Variants in GPATCH2L observed in about 807,000 individuals in gnomAD.
GPATCH2L encodes G patch domain-containing protein 2-like.
GPATCH2L carries 31 observed loss-of-function variants against 57.4 expected under a neutral mutation model. The ratio of observed to expected loss-of-function variants is 0.54; its 90% CI spans 0.41 to 0.73. The LOEUF (loss-of-function observed/expected upper bound fraction) is 0.73, where lower values mean the gene tolerates loss of function less well. Among genes scored for constraint, GPATCH2L ranks in the 30% least tolerant of loss-of-function variants. GPATCH2L has a pLI of 0.00. For synonymous variants in GPATCH2L, 199 were observed against 210.7 expected (o/e 0.94, Z 0.48); for missense variants, 481 against 599.9 (o/e 0.80, Z 2.07).
intron 8 of GPATCH2L, among the ~76,000 whole-genome samples, chr14:76,187,370 A>C (rs563744468): frequency 6.6e-6 from 1 of 152,156 alleles, no homozygotes; most frequent in African/African-American, 2.4e-5. Flanking sequence ...CCCTCTGCAC[A>C]TCCAGCATAG....
chr14:76,158,202 A>G (rs77919805), intron 2 of GPATCH2L, among the ~76,000 whole-genome samples: 28 of 152,176 alleles, frequency 1.8e-4, no homozygotes, highest in Admixed American at 1.4e-3. Flanking sequence ...AAGGTGATGT[A>G]TTAGAGGCTG....
chr14:76,201,590 G>A, intron 9 of GPATCH2L, 101 bp from the exon 10 acceptor site: 2 of 851,052 alleles, frequency 2.4e-6, no homozygotes, highest in Non-Finnish European at 3.5e-6. Flanking sequence ...GAAGTATAAG[G>A]ATTAAGAAAA....
chr14:76,187,025 GT>G (rs34797876), intron 8 of GPATCH2L, among the ~76,000 whole-genome samples: 57,990 of 147,902 alleles, frequency 0.39, 13,481 homozygotes, highest in South Asian at 0.56. Context: ...ATTGTGAAGT[GT>G]TTTTTTTTTT....
At chr14:76,223,626 G>A (rs958603296) in intron 1 of GPATCH2L, among the ~76,000 whole-genome samples, 2 of 152,076 alleles carry the variant, frequency 1.3e-5, no homozygotes, top group African/African-American at 4.8e-5. Flanking sequence ...AAAAGACACT[G>A]TCAAGAAGAT....
chr14:76,198,856 A>AC (rs1409209920), intron 9 of GPATCH2L, among the ~76,000 whole-genome samples: 2 of 152,172 alleles, frequency 1.3e-5, no homozygotes, highest in African/African-American at 2.4e-5. Flanking sequence ...CATAGAATAA[A>AC]CCCACTGGTT....
chr14:76,179,462 C>T (rs1224424358), intron 7 of GPATCH2L: 1 of 152,178 alleles, frequency 6.6e-6, no homozygotes, highest in African/African-American at 2.4e-5. Flanking sequence ...ATGTTTGCAT[C>T]AGAGGATCCA....
intron 5 of GPATCH2L, 102 bp from the exon 6 acceptor site, chr14:76,176,521 T>C: frequency 1.3e-6 from 1 of 778,570 alleles, no homozygotes; most frequent in East Asian, 2.5e-5. Flanking sequence ...ATGTGCCTTT[T>C]GAGGTTGCCT....
At chr14:76,183,203 CTT>C (rs1296379331) in intron 8 of GPATCH2L, among the ~76,000 whole-genome samples, 3 of 152,326 alleles carry the variant, frequency 2.0e-5, no homozygotes, top group Admixed American at 6.5e-5. Context: ...TGTCTTCACT[CTT>C]TTGCCTGGCA....
At chr14:76,180,668 T>C in intron 7 of GPATCH2L, 96 bp from the exon 8 acceptor site, 1 of 786,794 alleles carries the variant, frequency 1.3e-6, no homozygotes, top group Middle Eastern at 2.3e-4. Context: ...AAGAGTTGGA[T>C]AGTCAAAGGG....
At chr14:76,217,111 T>C (rs558525756), downstream of GPATCH2L, among the ~76,000 whole-genome samples, 1 of 152,212 alleles carries the variant, frequency 6.6e-6, no homozygotes, top group South Asian at 2.1e-4. Context: ...AAAAGATGAA[T>C]TCCTCTGTGA....
intron 2 of GPATCH2L, among the ~76,000 whole-genome samples, chr14:76,163,246 G>A (rs543924976): frequency 6.6e-6 from 1 of 152,270 alleles, no homozygotes; most frequent in East Asian, 1.9e-4. Flanking sequence ...TATTCACCTT[G>A]TGGAGTTTGG....
chr14:76,170,542 GA>G (rs1359289326), intron 3 of GPATCH2L: 3 of 152,040 alleles, frequency 2.0e-5, no homozygotes, highest in Non-Finnish European at 4.4e-5. Context: ...ATAACTTATT[GA>G]AAAGCCTTAG....
At chr14:76,166,865 A>G (rs2038866248) in intron 3 of GPATCH2L, 138 bp downstream of exon 3, 1 of 683,114 alleles carries the variant, frequency 1.5e-6, no homozygotes, top group Non-Finnish European at 2.7e-6. Context: ...AGAGTCACCT[A>G]GGGAACTGTT....
intron 8 of GPATCH2L, among the ~76,000 whole-genome samples, chr14:76,193,708 G>A (rs973107084): frequency 1.3e-5 from 2 of 152,138 alleles, no homozygotes; most frequent in African/African-American, 4.8e-5. Flanking sequence ...CACCACTGCT[G>A]TAGAGTGCCA....
At chr14:76,172,450 G>C (rs1239729753) in intron 4 of GPATCH2L, among the ~76,000 whole-genome samples, 1 of 152,180 alleles carries the variant, frequency 6.6e-6, no homozygotes, top group African/African-American at 2.4e-5. Context: ...AATAATTTAA[G>C]TAGTTTTATT....
At chr14:76,173,747 T>C (rs1452049058) in intron 5 of GPATCH2L, 122 bp downstream of exon 5, 1 of 709,740 alleles carries the variant, frequency 1.4e-6, no homozygotes, top group Non-Finnish European at 2.6e-6. Flanking sequence ...CCAACTGGAA[T>C]GTGTTGGGAG....
chr14:76,215,888 T>A (rs957961489), downstream of GPATCH2L, among the ~76,000 whole-genome samples: 3 of 151,408 alleles, frequency 2.0e-5, no homozygotes, highest in Non-Finnish European at 2.9e-5. Context: ...AATGTGCACA[T>A]GTACCCTAAA....
At chr14:76,198,926 A>T (rs2040235591) in intron 9 of GPATCH2L, among the ~76,000 whole-genome samples, 2 of 152,210 alleles carry the variant, frequency 1.3e-5, no homozygotes, top group Non-Finnish European at 2.9e-5. Context: ...TTCCTAATAT[A>T]TTGTAACCAC....
intron 2 of GPATCH2L, among the ~76,000 whole-genome samples, chr14:76,159,011 G>A (rs1402564685): frequency 1.3e-5 from 2 of 152,120 alleles, no homozygotes; most frequent in African/African-American, 2.4e-5. Flanking sequence ...ATGTTGCTGC[G>A]GTTAAAAAAT....
Sources: allele counts gnomAD v4.1 joint callset (sites outside exome capture counted in the v4.1 genomes callset), GRCh38; gene constraint gnomAD v4.1.1; transcripts MANE v1.5; gene names NCBI Gene and HGNC (gene_info 2026-07-23, HGNC 2026-07-21).